Variants in LAMB4 observed in about 807,000 individuals in gnomAD.
LAMB4 encodes laminin subunit beta 4, also known as laminin subunit beta-4.
In LAMB4, 196 loss-of-function variants were observed where a neutral mutation model predicts 199.2. The observed-to-expected ratio is 0.98, with a 90% CI of 0.88 to 1.11. The LOEUF is 1.11. Among genes scored for constraint, LAMB4 ranks in the 50% least tolerant of loss-of-function variants. LAMB4 has a pLI of 0.00. For synonymous variants in LAMB4, 744 were observed against 770.6 expected (o/e 0.97, Z 0.57); for missense variants, 2,080 against 2,171.2 (o/e 0.96, Z 0.83).
At chr7:108,047,796 C>T (rs2035680729) in intron 28 of LAMB4, 112 bp downstream of exon 28, 3 of 819,276 alleles carry the variant, frequency 3.7e-6, no homozygotes, top group Admixed American at 4.4e-5. Flanking sequence ...AGAACACCAA[C>T]TATCTAGAAT....
chr7:108,071,504 C>T (rs2036535144), intron 17 of LAMB4, among the ~76,000 whole-genome samples: 2 of 152,212 alleles, frequency 1.3e-5, no homozygotes, highest in South Asian at 4.1e-4. Context: ...GCCCCACAGG[C>T]ACTGCAAAAC....
downstream of LAMB4, among the ~76,000 whole-genome samples, chr7:108,020,121 C>T (rs1563021659): frequency 6.6e-6 from 1 of 152,212 alleles, no homozygotes; most frequent in Admixed American, 6.5e-5. Context: ...CCGACTTCTT[C>T]ACGCTGGTCC....
chr7:108,101,647 G>A (rs1178859114), intron 10 of LAMB4, among the ~76,000 whole-genome samples: 1 of 152,196 alleles, frequency 6.6e-6, no homozygotes, highest in African/African-American at 2.4e-5. Context: ...TCAGGATGGA[G>A]TATTTCTGTA....
chr7:108,066,847 A>G (rs569001516), intron 19 of LAMB4, among the ~76,000 whole-genome samples: 1 of 152,158 alleles, frequency 6.6e-6, no homozygotes, highest in Non-Finnish European at 1.5e-5. Flanking sequence ...AACAAGTAAC[A>G]TGTTTTTAAC....
Position 108,031,369 on chromosome 7 carries a change from G to GA in LAMB4, c.4819-391dup, listed in dbSNP as rs371230419. On this transcript the variant is annotated intron_variant, in intron 31 of 33. Coordinates refer to ENST00000388781, the MANE Select transcript of LAMB4 (RefSeq NM_007356.3). ...AAAAGAAAAAAAAGAAAAAGGAAAAGAAAAAAAAAAAAAAGAGCGAAGAGA... is the reference window on the plus strand; with the variant it reads ...AAAAGAAAAAAAAGAAAAAGGAAAAGAAAAAAAAAAAAAAAGAGCGAAGAGA... Among the ~76,000 whole-genome samples the GA allele has an allele frequency of 7.7e-3, 625 of 81,136 alleles. 8 individuals are homozygous for GA. The highest frequency in any genetic ancestry group is 0.07 in the East Asian group (213 of 3,060). 53.2% of individuals were successfully genotyped at this position (81,136 alleles called of 152,430 possible).
chr7:108,058,839 T>C (rs918683169), intron 23 of LAMB4, among the ~76,000 whole-genome samples: 1 of 152,052 alleles, frequency 6.6e-6, no homozygotes, highest in Non-Finnish European at 1.5e-5. Flanking sequence ...GTATTTTTAA[T>C]ACAGATGAGG....
At chr7:108,128,343 G>C (rs958599558) in intron 1 of LAMB4, among the ~76,000 whole-genome samples, 4 of 152,138 alleles carry the variant, frequency 2.6e-5, no homozygotes, top group Non-Finnish European at 5.9e-5. Flanking sequence ...GTTCTGGCAT[G>C]ACAGACGCTA....
At chr7:108,045,009 T>G (rs1221796649) in intron 28 of LAMB4, among the ~76,000 whole-genome samples, 2 of 151,648 alleles carry the variant, frequency 1.3e-5, no homozygotes, top group African/African-American at 4.8e-5. Flanking sequence ...AAAATTCCCT[T>G]TATTTCCCCA....
intron 1 of LAMB4, among the ~76,000 whole-genome samples, chr7:108,124,076 G>T (rs2038695114): frequency 1.3e-5 from 2 of 151,852 alleles, no homozygotes; most frequent in African/African-American, 4.8e-5. Flanking sequence ...GTACAGTGGT[G>T]CAATGGTGGA....
chr7:108,076,038 G>A (rs574028161), intron 17 of LAMB4: 1 of 153,394 alleles, frequency 6.5e-6, no homozygotes, highest in East Asian at 1.9e-4. Context: ...AACACCTTAG[G>A]TAAAGTAGGA....
chr7:108,065,111 C>T (rs559649831), intron 21 of LAMB4, among the ~76,000 whole-genome samples: 6 of 152,014 alleles, frequency 3.9e-5, no homozygotes, highest in South Asian at 4.2e-4. Context: ...TCTTGCTTTG[C>T]GGCCCAGGCT....
chr7:108,023,430 A>T (rs1285473284), downstream of LAMB4: 3 of 152,238 alleles, frequency 2.0e-5, no homozygotes, highest in Non-Finnish European at 4.4e-5. Context: ...ATGTCCACTG[A>T]TAAATGAGGA....
At chr7:108,062,691 A>G (rs1359392568) in intron 23 of LAMB4, 83 bp downstream of exon 23, 1 of 796,510 alleles carries the variant, frequency 1.3e-6, no homozygotes, top group Non-Finnish European at 1.8e-6. Context: ...AGTACATAAA[A>G]GAAACTTTCT....
chr7:108,124,808 C>T (rs2038722506), intron 1 of LAMB4, among the ~76,000 whole-genome samples: 6 of 152,204 alleles, frequency 3.9e-5, no homozygotes, highest in Admixed American at 3.9e-4. Flanking sequence ...CTCCCATATT[C>T]CCAGTCCCTG....
chr7:108,037,582 A>G lies in LAMB4; in HGVS notation c.4485T>C (p.Pro1495=). Residue 1495 remains proline (P), a synonymous_variant, in exon 30 of 34, where the codon CCT becomes CCC. Transcript: ENST00000388781. ...VKNFLLEENV[P]PEDIEKVANG... ...TCGCAACCTTCTCGATGTCTTCTGG[A>G]GGCACGTTTTCCTCTTAAATAAGAA... The G allele has an allele frequency of 1.2e-6, 2 of 1,614,020 alleles. No homozygotes were observed. Among genetic ancestry groups the G allele is most frequent in the Admixed American group, 1.7e-5 (1 of 60,016 alleles).
chr7:108,082,853 T>C (rs1318410177), intron 14 of LAMB4, among the ~76,000 whole-genome samples: 1 of 152,130 alleles, frequency 6.6e-6, no homozygotes, highest in African/African-American at 2.4e-5. Context: ...TTTGTGGTGG[T>C]TCCCATCATA....
Position 108,068,146 on chromosome 7 carries a change from G to T in LAMB4, c.2316C>A (p.His772Gln), listed in dbSNP as rs140790836. 7.3e-4 allele frequency: 1,180 copies of T among 1,614,022 alleles called. 1 individual carries two copies. The highest frequency in any genetic ancestry group is 1.2e-3 in the South Asian group (112 of 91,078). Reference sequence around the variant, plus strand: ...AGCTGGATCCGACTGAGCCCTGGGGGTGACACTTGCAGGCTGCAAGGAACA... The same window carrying T: ...AGCTGGATCCGACTGAGCCCTGGGGTTGACACTTGCAGGCTGCAAGGAACA... The part of the protein sequence containing the change: ...LHDGAVACKC[H>Q]PQGSVGSSCS... Residue 772 changes from histidine (H) to glutamine (Q), a missense_variant, in exon 19 of 34, where the codon CAC (histidine) becomes CAA (glutamine). Coordinates refer to ENST00000388781, the MANE Select transcript of LAMB4 (RefSeq NM_007356.3).
At chr7:108,086,611 C>A (rs1043282880) in intron 14 of LAMB4, among the ~76,000 whole-genome samples, 3 of 152,004 alleles carry the variant, frequency 2.0e-5, no homozygotes, top group Non-Finnish European at 2.9e-5. Context: ...GAGATGGAAA[C>A]AATTATGTCC....
In LAMB4 at chr7:108,043,928, C is replaced by T. The variant is rs537179765; in HGVS notation, c.4327-32G>A. The T allele has an allele frequency of 3.8e-6, 6 of 1,565,158 alleles. No homozygotes were observed. The East Asian group carries it at 6.9e-5, about 18-fold the overall frequency. ...TGAGAAAAACACAATGAAGAATACTCGACAATATACTCAACAAAGTCATGT... is the reference window on the plus strand; with the variant it reads ...TGAGAAAAACACAATGAAGAATACTTGACAATATACTCAACAAAGTCATGT... On this transcript the variant is annotated intron_variant, in intron 28 of 33. Coordinates refer to ENST00000388781, the MANE Select transcript of LAMB4 (RefSeq NM_007356.3).
Sources: allele counts gnomAD v4.1 joint callset (sites outside exome capture counted in the v4.1 genomes callset), GRCh38; gene constraint gnomAD v4.1.1; transcripts MANE v1.5; gene names NCBI Gene and HGNC (gene_info 2026-07-23, HGNC 2026-07-21).